The following PHLDB2 variants were observed in gnomAD, a reference collection of about 807,000 sequenced individuals.
The protein encoded by PHLDB2 is pleckstrin homology like domain family B member 2.
Under a neutral mutation model 123.6 loss-of-function variants are expected in PHLDB2, and 71 were observed. That is an observed-to-expected ratio of 0.57 (90% CI 0.47 to 0.70). The LOEUF (loss-of-function observed/expected upper bound fraction) is 0.70. Ranked by LOEUF, PHLDB2 falls within the 30% of genes least tolerant of loss-of-function variation. PHLDB2 has a pLI of 0.00. For synonymous variants in PHLDB2, 547 were observed against 541.6 expected (o/e 1.01, Z -0.14); for missense variants, 1,446 against 1,519.5 (o/e 0.95, Z 0.80).
At chr3:111,951,156 G>A (rs1309686908) in intron 10 of PHLDB2, among the ~76,000 whole-genome samples, 1 of 152,130 alleles carries the variant, frequency 6.6e-6, no homozygotes, top group Non-Finnish European at 1.5e-5. Flanking sequence ...CTATCTACAA[G>A]GAGCATTAAT....
intron 1 of PHLDB2, among the ~76,000 whole-genome samples, chr3:111,842,250 G>A (rs1008355385): frequency 6.6e-6 from 1 of 152,112 alleles, no homozygotes; most frequent in Non-Finnish European, 1.5e-5. Flanking sequence ...TAGACTTTAA[G>A]CTTCTGCTTT....
At position 111,796,520 on chromosome 3, in the gene PHLDB2, TAGG is replaced by T. The variant is rs148686711; in HGVS notation, c.-48-49298_-48-49296del. Among the ~76,000 whole-genome samples, 42 of 152,264 alleles carry T rather than the reference TAGG, an allele frequency of 2.8e-4. No individual in the cohort carries two copies. In the East Asian group the frequency reaches 8.1e-3, roughly 29 times the overall value. On this transcript the variant is annotated intron_variant, in intron 1 of 17. Transcript: ENST00000393923. ...AACAGATTCTCCACAGAATAGCCAG[TAGG>T]AGATTTTATTTTATTTTTTATTGTT...
chr3:111,764,061 C>T (rs1366263690), intron 1 of PHLDB2, among the ~76,000 whole-genome samples: 2 of 152,164 alleles, frequency 1.3e-5, no homozygotes, highest in South Asian at 4.1e-4. Context: ...TCAGACAGAC[C>T]TGCACATGAC....
intron 1 of PHLDB2, among the ~76,000 whole-genome samples, chr3:111,809,386 C>G (rs2061732029): frequency 6.6e-6 from 1 of 152,290 alleles, no homozygotes; most frequent in South Asian, 2.1e-4. Flanking sequence ...AACCTCTTCC[C>G]TTATGAGAAT....
chr3:111,837,882 C>G (rs1316807859), intron 1 of PHLDB2, among the ~76,000 whole-genome samples: 4 of 151,452 alleles, frequency 2.6e-5, no homozygotes, highest in Non-Finnish European at 5.9e-5. Context: ...TTCTCTACTA[C>G]AAATACAAAA....
intron 1 of PHLDB2, among the ~76,000 whole-genome samples, chr3:111,804,405 A>C (rs528128897): frequency 3.3e-5 from 5 of 152,360 alleles, no homozygotes; most frequent in African/African-American, 1.2e-4. Context: ...AAGTTTTAAC[A>C]ATTTCTTGAT....
In PHLDB2 at chr3:111,879,765, AAAG is replaced by A. The variant is rs2065845178; in HGVS notation, c.-14-4295_-14-4293del. On this transcript the variant is annotated intron_variant, in intron 1 of 17. Transcript: ENST00000431670. ...GTATCATAGAAGGGTCCACGTTGTA[AAAG>A]AAGGCAAAAGCAGTCTCGAATAATC... Among the ~76,000 whole-genome samples the A allele has an allele frequency of 5.9e-5, 9 of 152,238 alleles. No individual in the cohort carries two copies. The South Asian group carries it at 1.9e-3, about 32-fold the overall frequency.
intron 1 of PHLDB2, among the ~76,000 whole-genome samples, chr3:111,817,297 G>A (rs2062127145): frequency 6.6e-6 from 1 of 152,132 alleles, no homozygotes; most frequent in African/African-American, 2.4e-5. Context: ...GAGCTTTGGT[G>A]GGAATAAACA....
chr3:111,974,168 C>CTAGG (rs1363905512), intron 17 of PHLDB2, among the ~76,000 whole-genome samples: 1 of 152,206 alleles, frequency 6.6e-6, no homozygotes, highest in African/African-American at 2.4e-5. Context: ...CTACTCTCAG[C>CTAGG]TAGGTACCCT....
At chr3:111,970,772 A>C (rs1221937226) in intron 16 of PHLDB2, among the ~76,000 whole-genome samples, 1 of 152,228 alleles carries the variant, frequency 6.6e-6, no homozygotes, top group Non-Finnish European at 1.5e-5. Context: ...ATATTATGAA[A>C]AAAACCCTGT....
intron 5 of PHLDB2, among the ~76,000 whole-genome samples, chr3:111,925,809 G>C (rs1432062260): frequency 6.6e-6 from 1 of 152,130 alleles, no homozygotes; most frequent in East Asian, 1.9e-4. Flanking sequence ...GTTTGCGTAG[G>C]TTTTCTGTCT....
chr3:111,787,764 C>T (rs1426017450), intron 1 of PHLDB2, among the ~76,000 whole-genome samples: 4 of 152,112 alleles, frequency 2.6e-5, no homozygotes, highest in African/African-American at 9.7e-5. Context: ...AAAGGACCAC[C>T]CCGGGGTCGA....
chr3:111,952,710 A>G lies in PHLDB2; in HGVS notation c.2770A>G (p.Lys924Glu). Reference protein sequence around the residue: ...SATMGRSITPKAHLPLGQSNS... With the variant: ...SATMGRSITPEAHLPLGQSNS... ...TACTATGGGGAGAAGCATCACCCCA[A>G]AGGTAGGACCTGGGAGAAACCACGG... The change falls in exon 11 of 18, where the codon AAG becomes GAG. Residue 924 changes from lysine (K) to glutamate (E), a missense_variant and splice_region_variant. Coordinates refer to ENST00000431670, the MANE Select transcript of PHLDB2 (RefSeq NM_001134438.2). The G allele has an allele frequency of 6.2e-7, 1 of 1,611,484 alleles. No individual in the cohort carries two copies. The highest frequency in any genetic ancestry group is 8.5e-7 in the Non-Finnish European group (1 of 1,179,310).
intron 1 of PHLDB2, among the ~76,000 whole-genome samples, chr3:111,803,976 A>C (rs1430296905): frequency 6.6e-6 from 1 of 151,678 alleles, no homozygotes; most frequent in Non-Finnish European, 1.5e-5. Context: ...CTGTTTGATT[A>C]GTCCCTTTAA....
chr3:111,829,393 TA>T (rs1351667033), intron 1 of PHLDB2, among the ~76,000 whole-genome samples: 2 of 109,492 alleles, frequency 1.8e-5, no homozygotes, highest in Non-Finnish European at 3.8e-5. Flanking sequence ...GTTCTTCCAT[TA>T]TTCTTTTGTT....
chr3:111,784,771 C>G (rs1196504430), intron 1 of PHLDB2, among the ~76,000 whole-genome samples: 1 of 152,002 alleles, frequency 6.6e-6, no homozygotes, highest in East Asian at 1.9e-4. Flanking sequence ...TACTTGTTTA[C>G]TTCATTATAT....
chr3:111,780,833 G>T (rs2060447883), intron 1 of PHLDB2, among the ~76,000 whole-genome samples: 1 of 152,028 alleles, frequency 6.6e-6, no homozygotes, highest in Non-Finnish European at 1.5e-5. Flanking sequence ...ATGTTGATAG[G>T]TGTTTTCATA....
intron 1 of PHLDB2, among the ~76,000 whole-genome samples, chr3:111,799,445 T>G (rs1030569213): frequency 6.6e-6 from 1 of 152,212 alleles, no homozygotes; most frequent in African/African-American, 2.4e-5. Flanking sequence ...TTCACATTGG[T>G]GAGGTAGACA....
At chr3:111,918,223 C>T (rs542837925) in intron 3 of PHLDB2, among the ~76,000 whole-genome samples, 1 of 152,288 alleles carries the variant, frequency 6.6e-6, no homozygotes, top group East Asian at 1.9e-4. Context: ...TTGCCTTCTT[C>T]CCTGGCCATC....
Sources: allele counts gnomAD v4.1 joint callset (sites outside exome capture counted in the v4.1 genomes callset), GRCh38; gene constraint gnomAD v4.1.1; transcripts MANE v1.5; gene names NCBI Gene and HGNC (gene_info 2026-07-23, HGNC 2026-07-21).